KCNIP4: variants seen among roughly 807,000 people sequenced by gnomAD.
KCNIP4 encodes potassium voltage-gated channel interacting protein 4.
A neutral mutation model predicts 34.0 loss-of-function variants in KCNIP4; 12 were observed. The observed-to-expected ratio is 0.35, with a 90% CI of 0.23 to 0.57. The LOEUF (loss-of-function observed/expected upper bound fraction) is 0.57, where lower values mean the gene tolerates loss of function less well. KCNIP4 is among the 20% of genes least tolerant of loss of function. KCNIP4 has a pLI of 0.83. For synonymous variants in KCNIP4, 124 were observed against 102.2 expected (o/e 1.21, Z -1.29); for missense variants, 238 against 311.7 (o/e 0.76, Z 1.78).
chr4:21,207,856 T>C (rs1756956691), intron 1 of KCNIP4, among the ~76,000 whole-genome samples: 1 of 150,112 alleles, frequency 6.7e-6, no homozygotes, highest in South Asian at 2.1e-4. Context: ...TTTTTTTTTT[T>C]TTCTGAGACA....
rs115063196 is a variant in KCNIP4, at chr4:20,842,674, A to G, written c.288+7869T>C. Among the ~76,000 whole-genome samples the G allele has an allele frequency of 7.0e-3, 1,051 of 150,644 alleles. 14 individuals are homozygous for G. Among genetic ancestry groups the G allele is most frequent in the African/African-American group, 0.025 (1,008 of 41,076 alleles). On this transcript the variant is annotated intron_variant, in intron 3 of 8. Transcript: ENST00000382152. Reference sequence around the variant, plus strand: ...ATTTGTTCTTTAGAAAGACCTTTTCAGCTGCACAGTGGAGAATGGTTCAGA... The same window carrying G: ...ATTTGTTCTTTAGAAAGACCTTTTCGGCTGCACAGTGGAGAATGGTTCAGA...
intron 1 of KCNIP4, among the ~76,000 whole-genome samples, chr4:20,937,997 T>C (rs958413872): frequency 7.2e-5 from 11 of 152,168 alleles, no homozygotes; most frequent in South Asian, 2.1e-4. Context: ...AATAGGTGAC[T>C]CTATCTTGTT....
intron 1 of KCNIP4, among the ~76,000 whole-genome samples, chr4:21,192,599 T>G (rs1342584094): frequency 1.3e-5 from 2 of 152,182 alleles, no homozygotes; most frequent in Non-Finnish European, 1.5e-5. Context: ...AGATTAGGCT[T>G]TATCCTCATA....
chr4:21,832,958 T>C (rs1300471216), intron 1 of KCNIP4, among the ~76,000 whole-genome samples: 2 of 149,382 alleles, frequency 1.3e-5, no homozygotes, highest in Admixed American at 1.3e-4. Context: ...TCATGGTGTA[T>C]ATGTGCCACA....
chr4:21,891,564 A>T, intron 1 of KCNIP4, among the ~76,000 whole-genome samples: 1 of 150,500 alleles, frequency 6.6e-6, no homozygotes, highest in East Asian at 2.0e-4. Flanking sequence ...GTGTAGAGTG[A>T]GGCCAGGACT....
At chr4:21,049,531 T>C (rs1052936151) in intron 1 of KCNIP4, among the ~76,000 whole-genome samples, 1 of 152,206 alleles carries the variant, frequency 6.6e-6, no homozygotes, top group Admixed American at 6.5e-5. Context: ...AAAAGATGCC[T>C]ATTTTTTCGT....
intron 1 of KCNIP4, among the ~76,000 whole-genome samples, chr4:21,916,442 A>T (rs1430037717): frequency 2.6e-5 from 4 of 152,222 alleles, no homozygotes; most frequent in African/African-American, 9.6e-5. Context: ...AACTTTATTC[A>T]GAAGCCTGTA....
At chr4:20,998,613 T>C (rs1207904988) in intron 1 of KCNIP4, among the ~76,000 whole-genome samples, 3 of 152,338 alleles carry the variant, frequency 2.0e-5, no homozygotes, top group African/African-American at 7.2e-5. Context: ...TGTCTTCAAG[T>C]CTGAAAGAGT....
intron 1 of KCNIP4, among the ~76,000 whole-genome samples, chr4:21,419,999 T>G (rs1461898030): frequency 6.6e-6 from 1 of 152,284 alleles, no homozygotes; most frequent in East Asian, 1.9e-4. Flanking sequence ...TCAGTTGTAG[T>G]TTTGACACTG....
intron 1 of KCNIP4, among the ~76,000 whole-genome samples, chr4:21,797,241 A>T (rs1278055082): frequency 6.6e-6 from 1 of 152,190 alleles, no homozygotes; most frequent in Non-Finnish European, 1.5e-5. Flanking sequence ...TCACGCGTCT[A>T]CGCACAGGTG....
At chr4:21,689,354 A>G (rs1305580714) in intron 1 of KCNIP4, among the ~76,000 whole-genome samples, 1 of 152,168 alleles carries the variant, frequency 6.6e-6, no homozygotes, top group African/African-American at 2.4e-5. Flanking sequence ...AGTAATAGCG[A>G]CAAATTTGTT....
chr4:21,066,778 A>C (rs1744431038), intron 1 of KCNIP4, among the ~76,000 whole-genome samples: 1 of 152,010 alleles, frequency 6.6e-6, no homozygotes, highest in South Asian at 2.1e-4. Flanking sequence ...GGGCAAAAGG[A>C]CTCTGGGGTC....
chr4:21,135,344 C>T (rs575102165), intron 1 of KCNIP4, among the ~76,000 whole-genome samples: 35 of 152,266 alleles, frequency 2.3e-4, no homozygotes, highest in African/African-American at 4.3e-4. Context: ...CATTCTTATG[C>T]AGAAACACTG....
chr4:21,046,304 A>G (rs901521321), intron 1 of KCNIP4, among the ~76,000 whole-genome samples: 4 of 152,204 alleles, frequency 2.6e-5, no homozygotes, highest in African/African-American at 9.7e-5. Flanking sequence ...AAAACCCTGG[A>G]CACTGGTTAA....
At chr4:20,733,344 T>C (rs532301861) in intron 6 of KCNIP4, among the ~76,000 whole-genome samples, 50 of 152,298 alleles carry the variant, frequency 3.3e-4, no homozygotes, top group Non-Finnish European at 5.9e-4. Flanking sequence ...AATTTTGTTA[T>C]TAACTTTTTC....
At chr4:20,861,255 A>G (rs1403591573) in intron 2 of KCNIP4, among the ~76,000 whole-genome samples, 1 of 152,142 alleles carries the variant, frequency 6.6e-6, no homozygotes, top group Admixed American at 6.5e-5. Flanking sequence ...GACAATTTTA[A>G]ATGCTTTATT....
At chr4:21,311,604 G>C (rs527697770) in intron 1 of KCNIP4, among the ~76,000 whole-genome samples, 1 of 151,992 alleles carries the variant, frequency 6.6e-6, no homozygotes, top group African/African-American at 2.4e-5. Context: ...CGGGAGAATC[G>C]CTTGAACCCA....
chr4:21,920,873 C>CTTTTTTTTTTTTTTTCTTT (rs1728899285), intron 1 of KCNIP4, among the ~76,000 whole-genome samples: 4 of 151,748 alleles, frequency 2.6e-5, no homozygotes, highest in African/African-American at 7.3e-5. Flanking sequence ...TGTACATTTT[C>CTTTTTTTTTTTTTTTCTTT]TTTGTTTGCT....
chr4:21,747,291 G>A (rs553122082), intron 1 of KCNIP4, among the ~76,000 whole-genome samples: 1 of 152,200 alleles, frequency 6.6e-6, no homozygotes, highest in South Asian at 2.1e-4. Flanking sequence ...CCCCTTTCAG[G>A]AAACCCTGGT....
Sources: gnomAD v4.1 joint callset for allele counts (sites outside exome capture counted in the v4.1 genomes callset) on GRCh38, gnomAD v4.1.1 for gene constraint, MANE v1.5 for transcripts, NCBI Gene and HGNC (gene_info 2026-07-23, HGNC 2026-07-21) for gene names.